Variants in TEAD1 observed in about 807,000 individuals in gnomAD.
TEAD1 encodes the protein transcriptional enhancer factor TEF-1.
In TEAD1, 9 loss-of-function variants were observed where a neutral mutation model predicts 54.9. The observed-to-expected ratio is 0.16, with a 90% confidence interval of 0.10 to 0.29. The LOEUF is 0.29. TEAD1 is among the 10% of genes least tolerant of loss of function. The pLI is 1.00. For missense variants in TEAD1, 387 were observed against 535.9 expected (o/e 0.72, Z 2.74); for synonymous variants, 200 against 187.8 (o/e 1.07, Z -0.53).
intron 2 of TEAD1, among the ~76,000 whole-genome samples, chr11:12,693,007 A>C (rs1360808935): frequency 1.3e-5 from 2 of 152,016 alleles, no homozygotes; most frequent in Non-Finnish European, 2.9e-5. Context: ...AACCACCCCT[A>C]CTGGTCCTGT....
intron 9 of TEAD1, 97 bp from the exon 10 acceptor site, chr11:12,901,843 A>G: frequency 6.7e-7 from 1 of 1,495,790 alleles, no homozygotes. Flanking sequence ...CTAATTCCAG[A>G]ATTTTGGTAC....
chr11:12,811,946 G>A (rs1044943400), intron 3 of TEAD1, among the ~76,000 whole-genome samples: 10 of 152,030 alleles, frequency 6.6e-5, no homozygotes, highest in Admixed American at 3.3e-4. Flanking sequence ...CAGCCACACC[G>A]GTAGGACGTA....
chr11:12,816,155 C>G (rs1946410161), intron 3 of TEAD1, among the ~76,000 whole-genome samples: 1 of 152,196 alleles, frequency 6.6e-6, no homozygotes, highest in African/African-American at 2.4e-5. Context: ...TGCACTGTGC[C>G]TGCACTCGGG....
chr11:12,748,782 C>T (rs1944804936), intron 2 of TEAD1, among the ~76,000 whole-genome samples: 1 of 150,146 alleles, frequency 6.7e-6, no homozygotes, highest in African/African-American at 2.5e-5. Flanking sequence ...TGGCAGAGGG[C>T]TGAGGCAGAA....
intron 3 of TEAD1, among the ~76,000 whole-genome samples, chr11:12,772,651 T>A (rs1248846848): frequency 2.6e-5 from 4 of 152,198 alleles, no homozygotes; most frequent in African/African-American, 9.7e-5. Flanking sequence ...TAGATTCACA[T>A]GCAATGGTAA....
rs2133995854 is a variant in TEAD1 at position 12,816,343 on chromosome 11, G to C, written c.203-45907G>C. Among the ~76,000 whole-genome samples, 2 of 152,324 alleles carry C rather than the reference G, an allele frequency of 1.3e-5. 1 individual carries two copies. The highest frequency in any genetic ancestry group is 4.8e-5 in the African/African-American group (2 of 41,578). The stretch of plus-strand genomic sequence containing the variant: ...GGAGCATTCTGAGAACGGTTCTCTT[G>C]TATACGCTCTTGTTGTCAGGACACT... On this transcript the variant is annotated intron_variant, in intron 3 of 12. Coordinates refer to ENST00000527636, the MANE Select transcript of TEAD1 (RefSeq NM_021961.6).
intron 3 of TEAD1, among the ~76,000 whole-genome samples, chr11:12,861,699 A>C (rs1174517253): frequency 1.3e-5 from 2 of 152,224 alleles, no homozygotes; most frequent in Non-Finnish European, 2.9e-5. Context: ...TAAAAAGATA[A>C]ATTTCAGCTG....
chr11:12,883,546 A>T (rs1433080215), intron 9 of TEAD1, among the ~76,000 whole-genome samples: 1 of 152,186 alleles, frequency 6.6e-6, no homozygotes, highest in East Asian at 1.9e-4. Context: ...CAAATGAGGA[A>T]ACAGAGAGCG....
chr11:12,713,312 G>T (rs995568361), intron 2 of TEAD1, among the ~76,000 whole-genome samples: 2 of 152,194 alleles, frequency 1.3e-5, no homozygotes, highest in Non-Finnish European at 2.9e-5. Flanking sequence ...GAGCCATTGT[G>T]CCTGTCCTGG....
At chr11:12,815,646 C>T (rs1173721948) in intron 3 of TEAD1, among the ~76,000 whole-genome samples, 1 of 152,150 alleles carries the variant, frequency 6.6e-6, no homozygotes, top group Non-Finnish European at 1.5e-5. Flanking sequence ...TGGGTGATGA[C>T]GATTGGACTA....
At chr11:12,857,482 T>C (rs1190408464) in intron 3 of TEAD1, among the ~76,000 whole-genome samples, 1 of 152,178 alleles carries the variant, frequency 6.6e-6, no homozygotes, top group African/African-American at 2.4e-5. Flanking sequence ...TGCAGGATTG[T>C]TTTAGGAAAA....
At chr11:12,820,919 G>A (rs1448054245) in intron 3 of TEAD1, among the ~76,000 whole-genome samples, 2 of 152,226 alleles carry the variant, frequency 1.3e-5, no homozygotes, top group East Asian at 1.9e-4. Flanking sequence ...ATCCCAGTCT[G>A]CTGTAACTTC....
intron 3 of TEAD1, among the ~76,000 whole-genome samples, chr11:12,837,891 C>A (rs1272184505): frequency 1.3e-5 from 2 of 150,730 alleles, no homozygotes; most frequent in Non-Finnish European, 2.9e-5. Flanking sequence ...AAACCTCTGC[C>A]TCCAGAGTTC....
intron 3 of TEAD1, among the ~76,000 whole-genome samples, chr11:12,827,910 C>T (rs905413984): frequency 6.6e-6 from 1 of 152,176 alleles, no homozygotes; most frequent in Non-Finnish European, 1.5e-5. Context: ...TTTGTCACAG[C>T]CCCTCCACCT....
At chr11:12,755,900 G>C (rs1034334709) in intron 2 of TEAD1, among the ~76,000 whole-genome samples, 1 of 152,180 alleles carries the variant, frequency 6.6e-6, no homozygotes, top group African/African-American at 2.4e-5. Flanking sequence ...ACGGGAGAAA[G>C]GAAGGGGCAG....
At chr11:12,845,139 A>G in intron 3 of TEAD1, among the ~76,000 whole-genome samples, 1 of 151,480 alleles carries the variant, frequency 6.6e-6, no homozygotes, top group Non-Finnish European at 1.5e-5. Flanking sequence ...TAATTTTTGT[A>G]TTTTTAGTAG....
intron 2 of TEAD1, among the ~76,000 whole-genome samples, chr11:12,728,246 G>A (rs1332769043): frequency 6.6e-6 from 1 of 152,210 alleles, no homozygotes; most frequent in Non-Finnish European, 1.5e-5. Flanking sequence ...AGTGCACTCT[G>A]TTGTGATTCT....
At chr11:12,824,638 C>CT (rs1946614317) in intron 3 of TEAD1, among the ~76,000 whole-genome samples, 1 of 152,188 alleles carries the variant, frequency 6.6e-6, no homozygotes, top group Non-Finnish European at 1.5e-5. Flanking sequence ...CTGGAGGCTC[C>CT]TTGTCTTCCA....
At chr11:12,825,643 A>C (rs746818950) in intron 3 of TEAD1, among the ~76,000 whole-genome samples, 2 of 152,342 alleles carry the variant, frequency 1.3e-5, no homozygotes, top group South Asian at 4.1e-4. Context: ...TTTTAAAAAA[A>C]ATTGTCAAGC....
Sources: allele counts gnomAD v4.1 joint callset (sites outside exome capture counted in the v4.1 genomes callset), GRCh38; gene constraint gnomAD v4.1.1; transcripts MANE v1.5; gene names NCBI Gene and HGNC (gene_info 2026-07-23, HGNC 2026-07-21).